The following BTBD9 variants were observed in gnomAD, a reference collection of about 807,000 sequenced individuals.
The protein encoded by BTBD9 is BTB domain containing 9, also known as BTB/POZ domain-containing protein 9.
A neutral mutation model predicts 64.3 loss-of-function variants in BTBD9; 49 were observed. The ratio of observed to expected loss-of-function variants is 0.76; its 90% confidence interval spans 0.61 to 0.97. BTBD9 has a LOEUF of 0.97. Ranked by LOEUF, BTBD9 falls within the 50% of genes least tolerant of loss-of-function variation. BTBD9 has a pLI of 0.00. For missense variants in BTBD9, 598 were observed against 762.1 expected, an observed-to-expected ratio of 0.78 and a Z score of 2.53; for synonymous variants, 260 against 274.7, an observed-to-expected ratio of 0.95 and a Z score of 0.53.
chr6:38,366,163 A>T (rs182100507), intron 6 of BTBD9, among the ~76,000 whole-genome samples: 11 of 152,370 alleles, frequency 7.2e-5, no homozygotes, highest in Non-Finnish European at 1.5e-4. Flanking sequence ...GATTTATCAA[A>T]ATGTAAAGAA....
At chr6:38,348,684 C>T (rs1764384139) in intron 6 of BTBD9, among the ~76,000 whole-genome samples, 1 of 152,050 alleles carries the variant, frequency 6.6e-6, no homozygotes, top group African/African-American at 2.4e-5. Flanking sequence ...GAACATAGTT[C>T]AGTACACAAT....
chr6:38,299,335 A>T (rs557987655), intron 7 of BTBD9, among the ~76,000 whole-genome samples: 1 of 152,338 alleles, frequency 6.6e-6, no homozygotes. Context: ...ACGTGTCTTT[A>T]TAGCAGCATG....
intron 6 of BTBD9, among the ~76,000 whole-genome samples, chr6:38,375,714 G>A (rs1765652214): frequency 6.6e-6 from 1 of 152,074 alleles, no homozygotes; most frequent in Non-Finnish European, 1.5e-5. Context: ...TCCAGCTATG[G>A]TTTGGTTGCG....
chr6:38,291,148 G>A (rs1471877415), intron 7 of BTBD9, among the ~76,000 whole-genome samples: 1 of 152,100 alleles, frequency 6.6e-6, no homozygotes, highest in Non-Finnish European at 1.5e-5. Context: ...CCTAGATATT[G>A]CCAAATTTTT....
chr6:38,568,753 C>G (rs1775631032), intron 6 of BTBD9, among the ~76,000 whole-genome samples: 2 of 152,200 alleles, frequency 1.3e-5, no homozygotes. Context: ...AAGTCACTAA[C>G]TCAAGTCCTG....
At chr6:38,492,029 C>T (rs759470170) in intron 6 of BTBD9, among the ~76,000 whole-genome samples, 1 of 152,216 alleles carries the variant, frequency 6.6e-6, no homozygotes, top group Non-Finnish European at 1.5e-5. Flanking sequence ...TAAATTAAAT[C>T]TCCATTATTG....
chr6:38,240,474 T>C (rs1582099186), intron 9 of BTBD9, among the ~76,000 whole-genome samples: 1 of 152,162 alleles, frequency 6.6e-6, no homozygotes. Flanking sequence ...CATAAGCCCA[T>C]GCCCTACAGT....
intron 7 of BTBD9, among the ~76,000 whole-genome samples, chr6:38,294,620 G>C (rs764002383): frequency 6.6e-6 from 1 of 152,084 alleles, no homozygotes; most frequent in Admixed American, 6.6e-5. Flanking sequence ...CATGGACACA[G>C]GGAGAGGAAC....
chr6:38,370,174 G>C (rs944071958), intron 6 of BTBD9, among the ~76,000 whole-genome samples: 4 of 152,188 alleles, frequency 2.6e-5, no homozygotes, highest in African/African-American at 9.7e-5. Flanking sequence ...CATTAGTAAA[G>C]AAGTGATATC....
At chr6:38,524,270 T>C (rs879556568) in intron 6 of BTBD9, among the ~76,000 whole-genome samples, 18 of 152,156 alleles carry the variant, frequency 1.2e-4, no homozygotes, top group South Asian at 2.1e-4. Flanking sequence ...AAGTGGTTTT[T>C]AGCTGAGTTT....
intron 7 of BTBD9, among the ~76,000 whole-genome samples, chr6:38,302,489 A>ATATATATATATATATATC: frequency 3.5e-5 from 1 of 28,312 alleles, no homozygotes; most frequent in East Asian, 1.8e-3. Flanking sequence ...GTGTATGTAT[A>ATATATATATATATATATC]TATATATATA....
At chr6:38,533,759 G>C (rs1773897110) in intron 6 of BTBD9, among the ~76,000 whole-genome samples, 1 of 152,006 alleles carries the variant, frequency 6.6e-6, no homozygotes, top group Non-Finnish European at 1.5e-5. Flanking sequence ...ACAAACACAT[G>C]CAAATTAAAC....
intron 9 of BTBD9, among the ~76,000 whole-genome samples, chr6:38,226,826 C>A (rs183340127): frequency 2.0e-5 from 3 of 152,310 alleles, no homozygotes; most frequent in East Asian, 3.9e-4. Context: ...ATTTGTGGTA[C>A]CATGGGGATC....
At chr6:38,497,707 G>A (rs2127397207) in intron 6 of BTBD9, among the ~76,000 whole-genome samples, 1 of 152,288 alleles carries the variant, frequency 6.6e-6, no homozygotes, top group African/African-American at 2.4e-5. Flanking sequence ...CTTACAACTA[G>A]ACCTATTAAC....
chr6:38,381,049 A>T (rs1296082046), intron 6 of BTBD9, among the ~76,000 whole-genome samples: 1 of 152,178 alleles, frequency 6.6e-6, no homozygotes, highest in Non-Finnish European at 1.5e-5. Flanking sequence ...AAGTAAACAT[A>T]AAAGGAGGAA....
intron 1 of BTBD9, among the ~76,000 whole-genome samples, chr6:38,619,087 C>T (rs1440284448): frequency 6.6e-6 from 1 of 152,184 alleles, no homozygotes; most frequent in African/African-American, 2.4e-5. Flanking sequence ...GGAAGAAAAT[C>T]CTACCACCTT....
intron 7 of BTBD9, among the ~76,000 whole-genome samples, chr6:38,300,146 T>C (rs1230990647): frequency 6.6e-6 from 1 of 152,202 alleles, no homozygotes; most frequent in East Asian, 1.9e-4. Context: ...TTTGTCAGGT[T>C]TGTCAAAGAT....
intron 7 of BTBD9, among the ~76,000 whole-genome samples, chr6:38,316,986 C>T (rs1240533147): frequency 6.6e-6 from 1 of 151,950 alleles, no homozygotes; most frequent in Non-Finnish European, 1.5e-5. Context: ...AAAGGTTTTC[C>T]TTTAGCACTT....
intron 10 of BTBD9, among the ~76,000 whole-genome samples, chr6:38,192,175 G>A (rs1561853840): frequency 2.0e-5 from 3 of 152,224 alleles, no homozygotes; most frequent in African/African-American, 7.2e-5. Flanking sequence ...GCCACGCTCA[G>A]AGGGGCAAGA....
Sources: allele counts gnomAD v4.1 joint callset (sites outside exome capture counted in the v4.1 genomes callset), GRCh38; gene constraint gnomAD v4.1.1; transcripts MANE v1.5; gene names NCBI Gene and HGNC (gene_info 2026-07-23, HGNC 2026-07-21).